RBFOX1: variants seen among roughly 807,000 people sequenced by gnomAD.
The protein encoded by RBFOX1 is RNA binding protein fox-1 homolog 1.
A neutral mutation model predicts 57.7 loss-of-function variants in RBFOX1; 8 were observed. The observed-to-expected ratio is 0.14, with a 90% CI of 0.08 to 0.25. RBFOX1 has a LOEUF of 0.25. RBFOX1 is among the 10% of genes least tolerant of loss of function. The pLI, the probability that RBFOX1 is intolerant of heterozygous loss-of-function variation, is 1.00. For missense variants in RBFOX1, 611 were observed against 548.5 expected (o/e 1.11, Z -1.14); for synonymous variants, 326 against 222.4 (o/e 1.47, Z -4.15).
intron 4 of RBFOX1, among the ~76,000 whole-genome samples, chr16:7,341,599 G>C (rs933349103): frequency 2.0e-5 from 3 of 152,166 alleles, no homozygotes; most frequent in Non-Finnish European, 4.4e-5. Context: ...TGACACTCAA[G>C]ACAGGTTTAT....
At chr16:6,587,003 CT>C in intron 2 of RBFOX1, among the ~76,000 whole-genome samples, 1 of 151,588 alleles carries the variant, frequency 6.6e-6, no homozygotes, top group South Asian at 2.1e-4. Flanking sequence ...ATTACTTCCC[CT>C]GTTTATTGTG....
chr16:5,628,823 C>G (rs1322469512), intron 3 of RBFOX1, among the ~76,000 whole-genome samples: 2 of 152,162 alleles, frequency 1.3e-5, no homozygotes, highest in Admixed American at 1.3e-4. Context: ...CTCATGGCAC[C>G]CTTGTCTGTC....
chr16:7,410,561 A>T (rs1045605497), intron 4 of RBFOX1, among the ~76,000 whole-genome samples: 10 of 152,164 alleles, frequency 6.6e-5, no homozygotes, highest in African/African-American at 2.4e-4. Flanking sequence ...CGTGCCTGTA[A>T]TCCCAGTAAG....
intron 3 of RBFOX1, among the ~76,000 whole-genome samples, chr16:7,031,881 C>G (rs192618015): frequency 3.3e-4 from 51 of 152,270 alleles, no homozygotes; most frequent in African/African-American, 1.2e-3. Context: ...ACCTTGCCTT[C>G]TAACTGATCT....
intron 2 of RBFOX1, among the ~76,000 whole-genome samples, chr16:6,492,363 T>C (rs1294767026): frequency 1.3e-5 from 2 of 151,784 alleles, no homozygotes; most frequent in African/African-American, 2.4e-5. Flanking sequence ...AGGTCAGGAG[T>C]TCAAGACCAG....
rs111790392 is a variant in RBFOX1, at chr16:7,253,103, G to C, written c.27+201005G>C. ...TTTAAACACAGCATCACTGGACACAGCAAACATATCTAGGTCAATCTGTTT... is the reference window on the plus strand; with the variant it reads ...TTTAAACACAGCATCACTGGACACACCAAACATATCTAGGTCAATCTGTTT... On this transcript the variant is annotated intron_variant, in intron 4 of 15. Transcript: ENST00000550418. 6.5e-4 allele frequency among the ~76,000 whole-genome samples: 99 copies of C among 152,230 alleles called. 1 individual carries two copies. Among genetic ancestry groups the C allele is most frequent in the African/African-American group, 2.4e-3 (98 of 41,534 alleles).
intron 1 of RBFOX1, among the ~76,000 whole-genome samples, chr16:6,251,767 A>T (rs1400324081): frequency 1.3e-5 from 2 of 151,972 alleles, no homozygotes; most frequent in Non-Finnish European, 2.9e-5. Context: ...TGCTGCCCCT[A>T]ATGACGTAGC....
intron 3 of RBFOX1, among the ~76,000 whole-genome samples, chr16:6,656,629 C>G (rs934655089): frequency 6.6e-6 from 1 of 150,510 alleles, no homozygotes; most frequent in Non-Finnish European, 1.5e-5. Flanking sequence ...CACACACACA[C>G]ACTTCTAGTT....
chr16:6,130,796 CA>C (rs530766866), intron 1 of RBFOX1, among the ~76,000 whole-genome samples: 27 of 152,128 alleles, frequency 1.8e-4, no homozygotes, highest in Admixed American at 1.1e-3. Flanking sequence ...TCAGAATGAT[CA>C]AATGGTTAAT....
intron 3 of RBFOX1, among the ~76,000 whole-genome samples, chr16:5,858,881 G>C (rs1432563461): frequency 6.6e-6 from 1 of 152,172 alleles, no homozygotes; most frequent in Non-Finnish European, 1.5e-5. Flanking sequence ...CAGAATAGAA[G>C]AGAAAGAGAT....
intron 4 of RBFOX1, among the ~76,000 whole-genome samples, chr16:7,105,046 C>G (rs1207755005): frequency 6.6e-6 from 1 of 152,136 alleles, no homozygotes; most frequent in Admixed American, 6.6e-5. Flanking sequence ...ACCTACAGAT[C>G]TCCACTTACA....
At chr16:5,475,724 G>T (rs1202579780) in intron 2 of RBFOX1, among the ~76,000 whole-genome samples, 1 of 152,178 alleles carries the variant, frequency 6.6e-6, no homozygotes, top group Non-Finnish European at 1.5e-5. Flanking sequence ...AGTCTTTGAG[G>T]TTTCATAAGA....
intron 4 of RBFOX1, among the ~76,000 whole-genome samples, chr16:7,493,453 G>A (rs1302029909): frequency 6.6e-6 from 1 of 152,174 alleles, no homozygotes; most frequent in Non-Finnish European, 1.5e-5. Context: ...TATGGAAAAA[G>A]GACCTATGCA....
chr16:6,310,769 C>G (rs1343024983), intron 1 of RBFOX1, among the ~76,000 whole-genome samples: 1 of 152,012 alleles, frequency 6.6e-6, no homozygotes, highest in Non-Finnish European at 1.5e-5. Context: ...AGACAGATGT[C>G]TACAAATGAA....
intron 14 of RBFOX1, among the ~76,000 whole-genome samples, chr16:7,697,896 C>T (rs976446294): frequency 6.6e-6 from 1 of 152,138 alleles, no homozygotes; most frequent in African/African-American, 2.4e-5. Context: ...AGTTGTTCCA[C>T]TGGAATTTTA....
intron 4 of RBFOX1, among the ~76,000 whole-genome samples, chr16:5,945,439 C>T (rs974242511): frequency 3.3e-5 from 5 of 152,186 alleles, no homozygotes; most frequent in African/African-American, 1.2e-4. Context: ...ATGCTTCGCC[C>T]CAGATCTAGA....
At chr16:5,675,160 T>C (rs528311455) in intron 3 of RBFOX1, among the ~76,000 whole-genome samples, 4 of 152,110 alleles carry the variant, frequency 2.6e-5, no homozygotes, top group African/African-American at 7.2e-5. Flanking sequence ...AAAAAGTGTG[T>C]GTATAGATAT....
intron 1 of RBFOX1, among the ~76,000 whole-genome samples, chr16:6,248,707 A>G (rs1025322463): frequency 5.3e-5 from 8 of 152,096 alleles, no homozygotes; most frequent in African/African-American, 1.9e-4. Flanking sequence ...GAGGTTAAGT[A>G]TGGGTTTTAT....
At chr16:6,080,516 C>G (rs2095985246) in intron 1 of RBFOX1, among the ~76,000 whole-genome samples, 1 of 152,128 alleles carries the variant, frequency 6.6e-6, no homozygotes. Context: ...GGGAGGCAAA[C>G]ATTGATTGAA....
Sources: gnomAD v4.1 joint callset for allele counts (sites outside exome capture counted in the v4.1 genomes callset) on GRCh38, gnomAD v4.1.1 for gene constraint, MANE v1.5 for transcripts, NCBI Gene and HGNC (gene_info 2026-07-23, HGNC 2026-07-21) for gene names.